MECOM: variants seen among roughly 807,000 people sequenced by gnomAD.
MECOM encodes histone-lysine N-methyltransferase MECOM.
In MECOM, 13 loss-of-function variants were observed where a neutral mutation model predicts 116.3. The observed-to-expected ratio is 0.11, with a 90% CI of 0.07 to 0.18. MECOM has a LOEUF of 0.18. Ranked by LOEUF, MECOM falls within the 10% of genes least tolerant of loss-of-function variation. The pLI, the probability that MECOM is intolerant of heterozygous loss-of-function variation, is 1.00. For missense variants in MECOM, 1,299 were observed against 1,509.0 expected, an observed-to-expected ratio of 0.86 and a Z score of 2.31; for synonymous variants, 528 against 535.2, an observed-to-expected ratio of 0.99 and a Z score of 0.19.
intron 6 of MECOM, among the ~76,000 whole-genome samples, chr3:169,122,271 G>T (rs938827896): frequency 1.3e-5 from 2 of 152,006 alleles, no homozygotes; most frequent in African/African-American, 4.8e-5. Context: ...TTCATTCTCC[G>T]CAAGGCCATA....
chr3:169,107,914 T>C lies in MECOM; in HGVS notation c.2604+12A>G. The C allele has an allele frequency of 6.2e-7, 1 of 1,610,714 alleles. No homozygotes were observed. The highest frequency in any genetic ancestry group is 8.5e-7 in the Non-Finnish European group (1 of 1,178,230). ...ACATCACTTTAGTCAAAAATATAAGTAGGAAACTTACCCAAGTTCTCTGAT... is the reference window on the plus strand; with the variant it reads ...ACATCACTTTAGTCAAAAATATAAGCAGGAAACTTACCCAAGTTCTCTGAT... On this transcript the variant is annotated intron_variant, in intron 10 of 16. Coordinates refer to ENST00000651503, the MANE Select transcript of MECOM (RefSeq NM_004991.4).
chr3:169,249,816 C>G (rs1330402930), intron 2 of MECOM, among the ~76,000 whole-genome samples: 1 of 152,122 alleles, frequency 6.6e-6, no homozygotes, highest in Non-Finnish European at 1.5e-5. Context: ...TCAGGGGTTA[C>G]TGGTAATGAA....
chr3:169,505,169 G>A (rs530378204), intron 1 of MECOM, among the ~76,000 whole-genome samples: 2 of 152,096 alleles, frequency 1.3e-5, no homozygotes, highest in Admixed American at 6.5e-5. Context: ...GGTAATAAGT[G>A]CAAGGCCTAC....
intron 2 of MECOM, among the ~76,000 whole-genome samples, chr3:169,283,226 G>A (rs954804263): frequency 6.6e-6 from 1 of 152,148 alleles, no homozygotes; most frequent in African/African-American, 2.4e-5. Flanking sequence ...AAAGAGGTCA[G>A]GCATGGTGGC....
chr3:169,175,273 T>C (rs1744979370), intron 2 of MECOM, among the ~76,000 whole-genome samples: 1 of 152,122 alleles, frequency 6.6e-6, no homozygotes, highest in South Asian at 2.1e-4. Context: ...AATCCAAAAA[T>C]ATAAAGTCTG....
chr3:169,355,993 T>C (rs944431713), intron 2 of MECOM, among the ~76,000 whole-genome samples: 1 of 151,850 alleles, frequency 6.6e-6, no homozygotes, highest in African/African-American at 2.4e-5. Flanking sequence ...AAAGCAAAGG[T>C]CTTAGTTTTT....
intron 2 of MECOM, among the ~76,000 whole-genome samples, chr3:169,245,368 A>C (rs1369166233): frequency 6.6e-6 from 1 of 152,224 alleles, no homozygotes; most frequent in Non-Finnish European, 1.5e-5. Context: ...CAAAGCTTTG[A>C]ATAAAGAAAT....
chr3:169,563,914 C>A (rs1762939206), intron 1 of MECOM, among the ~76,000 whole-genome samples: 2 of 152,190 alleles, frequency 1.3e-5, no homozygotes, highest in South Asian at 4.1e-4. Flanking sequence ...TTCTTCCTCT[C>A]TCAGTCTCCT....
intron 10 of MECOM, among the ~76,000 whole-genome samples, chr3:169,102,730 CA>C (rs1724021182): frequency 6.6e-6 from 1 of 151,904 alleles, no homozygotes; most frequent in South Asian, 2.1e-4. Flanking sequence ...ATGGGTAACT[CA>C]GAAAGAAAAA....
chr3:169,097,386 T>C, intron 12 of MECOM, among the ~76,000 whole-genome samples: 1 of 152,032 alleles, frequency 6.6e-6, no homozygotes, highest in Non-Finnish European at 1.5e-5. Flanking sequence ...TCTACACAAT[T>C]CCAATAAGAG....
intron 1 of MECOM, among the ~76,000 whole-genome samples, chr3:169,547,569 C>G (rs914070897): frequency 6.6e-6 from 1 of 152,168 alleles, no homozygotes; most frequent in African/African-American, 2.4e-5. Flanking sequence ...TATTTAATAG[C>G]TTTGACCCTA....
At chr3:169,271,593 C>A (rs535087575) in intron 2 of MECOM, among the ~76,000 whole-genome samples, 1 of 152,254 alleles carries the variant, frequency 6.6e-6, no homozygotes, top group African/African-American at 2.4e-5. Context: ...GAACATCACA[C>A]ACCGGGGCCT....
intron 1 of MECOM, among the ~76,000 whole-genome samples, chr3:169,514,335 A>G (rs550248197): frequency 1.3e-5 from 2 of 152,312 alleles, no homozygotes; most frequent in Non-Finnish European, 2.9e-5. Context: ...TCGTTTTACA[A>G]AATAACTTGT....
intron 2 of MECOM, among the ~76,000 whole-genome samples, chr3:169,165,611 T>C (rs901781357): frequency 6.6e-6 from 1 of 152,186 alleles, no homozygotes; most frequent in African/African-American, 2.4e-5. Context: ...ACACTTTATG[T>C]ACCATACGAA....
chr3:169,344,269 G>C (rs1182228770), intron 2 of MECOM, among the ~76,000 whole-genome samples: 1 of 152,084 alleles, frequency 6.6e-6, no homozygotes, highest in Non-Finnish European at 1.5e-5. Context: ...TTTAGGCATA[G>C]TGTCCTGGAA....
intron 1 of MECOM, among the ~76,000 whole-genome samples, chr3:169,565,610 G>T (rs1234385483): frequency 5.9e-5 from 9 of 152,146 alleles, no homozygotes; most frequent in Non-Finnish European, 1.3e-4. Context: ...GGATTACCCA[G>T]GCCCTGAGAC....
At chr3:169,413,542 A>T (rs9855086) in intron 1 of MECOM, among the ~76,000 whole-genome samples, 68,025 of 150,572 alleles carry the variant, frequency 0.45, 15,922 homozygotes, top group East Asian at 0.77. Flanking sequence ...GACAGAACCA[A>T]ACACTACCCT....
At chr3:169,308,429 T>G (rs533237407) in intron 2 of MECOM, among the ~76,000 whole-genome samples, 51 of 152,352 alleles carry the variant, frequency 3.3e-4, no homozygotes, top group African/African-American at 1.1e-3. Context: ...GGTAATGTTC[T>G]TAAATAATTC....
At chr3:169,227,402 T>A (rs1343747361) in intron 2 of MECOM, among the ~76,000 whole-genome samples, 1 of 152,220 alleles carries the variant, frequency 6.6e-6, no homozygotes, top group African/African-American at 2.4e-5. Flanking sequence ...AATTTTGGTA[T>A]AATATCCTAT....
Sources: gnomAD v4.1 joint callset for allele counts (sites outside exome capture counted in the v4.1 genomes callset) on GRCh38, gnomAD v4.1.1 for gene constraint, MANE v1.5 for transcripts, NCBI Gene and HGNC (gene_info 2026-07-23, HGNC 2026-07-21) for gene names.